The following BCR variants were observed in gnomAD, a reference collection of about 807,000 sequenced individuals.
BCR encodes the protein breakpoint cluster region protein.
In BCR, 58 loss-of-function variants were observed where a neutral mutation model predicts 138.6. The observed-to-expected ratio is 0.42, with a 90% CI of 0.34 to 0.52. The LOEUF (loss-of-function observed/expected upper bound fraction) is 0.52, where lower values mean the gene tolerates loss of function less well. Among genes scored for constraint, BCR ranks in the 20% least tolerant of loss-of-function variants. BCR has a pLI of 0.06. For synonymous variants in BCR, 786 were observed against 730.1 expected (o/e 1.08, Z -1.23); for missense variants, 1,599 against 1,727.2 (o/e 0.93, Z 1.32).
Position 23,195,344 on chromosome 22 carries a change from C to T in BCR, c.1279+13105C>T, listed in dbSNP as rs1341969367. On this transcript the variant is annotated intron_variant, in intron 1 of 22. Transcript: ENST00000305877. ...CTGAGGCGGGAAAATCGCTTGAACT[C>T]AGGAGGCAGAGGTTGCAATCATCCA... Among the ~76,000 whole-genome samples, 4 of 148,112 alleles carry T rather than the reference C, an allele frequency of 2.7e-5. No individual in the cohort carries two copies. In the East Asian group the frequency reaches 6.0e-4, roughly 22 times the overall value.
chr22:23,222,346 G>C (rs1406470546), intron 1 of BCR, among the ~76,000 whole-genome samples: 1 of 152,158 alleles, frequency 6.6e-6, no homozygotes, highest in Non-Finnish European at 1.5e-5. Flanking sequence ...GTCTGATTCC[G>C]GCCGAGTTTC....
rs1346556168 is a variant in BCR at position 23,244,550 on chromosome 22, C to T, written c.1280-9249C>T. On this transcript the variant is annotated intron_variant, in intron 1 of 22. Coordinates refer to ENST00000305877, the MANE Select transcript of BCR (RefSeq NM_004327.4). The stretch of plus-strand genomic sequence containing the variant: ...GCATGTGCTCCGGTGCCACCTGCCT[C>T]TCTCCCGTGGCCTTGTCATGGTTGC... 2.0e-5 allele frequency among the ~76,000 whole-genome samples: 3 copies of T among 152,288 alleles called. No homozygotes were observed. In the East Asian group the frequency reaches 5.8e-4, roughly 29 times the overall value.
rs1188726684 is a variant in BCR at position 23,316,076 on chromosome 22, C to G, written c.*554C>G. On this transcript the variant is annotated 3_prime_UTR_variant, in exon 23 of 23. Coordinates refer to ENST00000305877, the MANE Select transcript of BCR (RefSeq NM_004327.4). ...GTCAGCACTGGGTAGCGTTTTGACT[C>G]CATTCTTGGCTTTCTTTTTCTTTCC... is the stretch of plus-strand genomic sequence containing the variant. 1.2e-5 allele frequency: 2 copies of G among 169,288 alleles called. No individual in the cohort carries two copies. Among genetic ancestry groups the G allele is most frequent in the Non-Finnish European group, 2.1e-5 (2 of 93,164 alleles). The allele number at this position is 169,288 out of a possible 1,614,324, so 10.5% of individuals were successfully genotyped here.
chr22:23,214,013 G>A (rs890653316), intron 1 of BCR, among the ~76,000 whole-genome samples: 4 of 152,124 alleles, frequency 2.6e-5, no homozygotes, highest in African/African-American at 4.8e-5. Flanking sequence ...CCCACTAGTC[G>A]TTGACTCAGG....
Position 23,180,534 on chromosome 22 carries a change from C to T in BCR, c.-427C>T, listed in dbSNP as rs542797530. 1.5e-3 allele frequency: 284 copies of T among 183,252 alleles called. No homozygotes were observed. The highest frequency in any genetic ancestry group is 6.1e-3 in the African/African-American group (257 of 41,836). 11.4% of individuals were successfully genotyped at this position (183,252 alleles called of 1,614,324 possible). A position where few individuals can be genotyped will look rare whatever the true frequency, so the allele number is the denominator to read the frequency against. ...GCAGAGTGCGGGCCGGGCGGGAGTG[C>T]GGCGAGAGCCGGCTGGCTGAGCTTA... On this transcript the variant is annotated 5_prime_UTR_variant, in exon 1 of 23. Transcript: ENST00000305877.
intron 1 of BCR, among the ~76,000 whole-genome samples, chr22:23,191,596 A>G (rs1216353299): frequency 6.6e-6 from 1 of 152,126 alleles, no homozygotes; most frequent in African/African-American, 2.4e-5. Context: ...TTAAGCACAG[A>G]GTATGCCCTG....
chr22:23,303,931 C>CTTTTTTTTTT (rs131683), intron 16 of BCR, among the ~76,000 whole-genome samples: 2 of 106,168 alleles, frequency 1.9e-5, no homozygotes, highest in Non-Finnish European at 3.5e-5. Flanking sequence ...TCCTTGTTGC[C>CTTTTTTTTTT]TTTTTTTTTT....
At chr22:23,290,849 G>A in intron 14 of BCR, 1 of 216,242 alleles carries the variant, frequency 4.6e-6, no homozygotes, top group East Asian at 1.0e-4. Context: ...CTCTAAGTGG[G>A]GGTCTCCCCC....
In BCR at chr22:23,180,595, G is replaced by A; in HGVS notation, c.-366G>A. 6.3e-6 allele frequency: 1 copy of A among 157,486 alleles called. No homozygotes were observed. Among genetic ancestry groups the A allele is most frequent in the East Asian group, 1.8e-4 (1 of 5,450 alleles). 9.8% of individuals were successfully genotyped at this position (157,486 alleles called of 1,614,324 possible). A position where few individuals can be genotyped will look rare whatever the true frequency, so the allele number is the denominator to read the frequency against. On this transcript the variant is annotated 5_prime_UTR_variant, in exon 1 of 23. Coordinates refer to ENST00000305877, the MANE Select transcript of BCR (RefSeq NM_004327.4). ...AGGCGGCGGCGGCGGCGGCGGCACG[G>A]CGGCGGCGGGGCTGTGGGGCGGTGC...
chr22:23,263,276 C>T (rs1193857386), intron 4 of BCR: 2 of 1,125,064 alleles, frequency 1.8e-6, no homozygotes, highest in South Asian at 1.3e-5. Context: ...GGGCCCTCGG[C>T]CGCCTGGCCC....
intron 4 of BCR, chr22:23,264,593 G>C (rs2073415702): frequency 2.6e-6 from 1 of 382,056 alleles, no homozygotes. Flanking sequence ...TGCTTTAGAG[G>C]AGTGCAGCTG....
In BCR at chr22:23,314,120, C is replaced by T. The variant is rs368095167; in HGVS notation, c.3563+47C>T. On this transcript the variant is annotated intron_variant, in intron 21 of 22. Coordinates refer to ENST00000305877, the MANE Select transcript of BCR (RefSeq NM_004327.4). ...AGCCCAGGGCTCCAGGTCCCCAGGC[C>T]GCAGAGTGCCCCTCTGCTCCCACTA... 43 of 1,466,724 alleles carry T rather than the reference C, an allele frequency of 2.9e-5. 2 individuals are homozygous for T. The highest frequency in any genetic ancestry group is 3.7e-5 in the Non-Finnish European group (39 of 1,050,898). The allele number at this position is 1,466,724 out of a possible 1,614,324, so 90.9% of individuals were successfully genotyped here. A position where few individuals can be genotyped will look rare whatever the true frequency, so the allele number is the denominator to read the frequency against.
At chr22:23,189,413 A>G (rs192309903) in intron 1 of BCR, among the ~76,000 whole-genome samples, 168 of 152,182 alleles carry the variant, frequency 1.1e-3, no homozygotes, top group African/African-American at 3.9e-3. Context: ...GTGGAGTCTT[A>G]TAATATTTGT....
intron 18 of BCR, 132 bp from the exon 19 acceptor site, chr22:23,311,565 T>C: frequency 1.5e-6 from 1 of 645,328 alleles, no homozygotes; most frequent in African/African-American, 1.8e-5. Flanking sequence ...AGGCTCTGTG[T>C]GCAGCCCCAG....
chr22:23,241,533 AG>A (rs1194452134), intron 1 of BCR, among the ~76,000 whole-genome samples: 2 of 152,116 alleles, frequency 1.3e-5, no homozygotes, highest in African/African-American at 4.8e-5. Flanking sequence ...CCTCCTTTGA[AG>A]GGCACTACCC....
rs189966651 is a variant in BCR at position 23,280,270 on chromosome 22, C to T, written c.2116-3707C>T. ...TTGCACTGGCAACAGCTGGAGGAGGCAGCTGGCCTGGGGGAAGTCCCCTTA... is the reference window on the plus strand; with the variant it reads ...TTGCACTGGCAACAGCTGGAGGAGGTAGCTGGCCTGGGGGAAGTCCCCTTA... On this transcript the variant is annotated intron_variant, in intron 8 of 22. Transcript: ENST00000305877. 2.1e-4 allele frequency among the ~76,000 whole-genome samples: 32 copies of T among 152,340 alleles called. 1 individual carries two copies. The East Asian group carries it at 5.6e-3, about 27-fold the overall frequency.
intron 1 of BCR, among the ~76,000 whole-genome samples, chr22:23,202,673 G>A (rs1479921492): frequency 2.0e-5 from 3 of 151,720 alleles, no homozygotes; most frequent in Admixed American, 6.6e-5. Context: ...GTGTTTTACT[G>A]TGTTTCAGAA....
At position 23,305,943 on chromosome 22, in the gene BCR, T is replaced by A. The variant is rs144947598; in HGVS notation, c.3013-3481T>A. Among the ~76,000 whole-genome samples, 5 of 152,386 alleles carry A rather than the reference T, an allele frequency of 3.3e-5. No homozygotes were observed. The East Asian group carries it at 5.8e-4, about 18-fold the overall frequency. ...TCTGTTTTTCCAAACCCCAGTCTTT[T>A]GCTTGTTTACTTCTCTGGTGCTTTA... On this transcript the variant is annotated intron_variant, in intron 16 of 22. Transcript: ENST00000305877.
At chr22:23,187,499 C>CTCTCT (rs763149441) in intron 1 of BCR, among the ~76,000 whole-genome samples, 1 of 140,656 alleles carries the variant, frequency 7.1e-6, no homozygotes, top group African/African-American at 2.6e-5. Flanking sequence ...CTCTCTCTCT[C>CTCTCT]TTTTTTTTTT....
Sources: gnomAD v4.1 joint callset for allele counts (sites outside exome capture counted in the v4.1 genomes callset) on GRCh38, gnomAD v4.1.1 for gene constraint, MANE v1.5 for transcripts, NCBI Gene and HGNC (gene_info 2026-07-23, HGNC 2026-07-21) for gene names.